The following KIF11 variants were observed in gnomAD, a reference collection of about 807,000 sequenced individuals.
KIF11 encodes the protein kinesin family member 11, also known as kinesin-like protein KIF11.
KIF11 carries 9 observed loss-of-function variants against 121.0 expected under a neutral mutation model. The ratio of observed to expected loss-of-function variants is 0.07; its 90% CI spans 0.04 to 0.13. The LOEUF is 0.13. Ranked by LOEUF, KIF11 falls within the 10% of genes least tolerant of loss-of-function variation. KIF11 has a pLI of 1.00. For synonymous variants in KIF11, 408 were observed against 421.0 expected, an observed-to-expected ratio of 0.97 and a Z score of 0.38; for missense variants, 846 against 1,217.5, an observed-to-expected ratio of 0.69 and a Z score of 4.54.
chr10:92,630,391 CAT>C (rs753144573), intron 12 of KIF11, 27 bp downstream of exon 12: 6 of 1,429,846 alleles, frequency 4.2e-6, no homozygotes, highest in African/African-American at 1.5e-5. Context: ...GATTTGTACT[CAT>C]ATTAAGTAGA....
At chr10:92,610,138 T>G (rs1435678365) in intron 6 of KIF11, among the ~76,000 whole-genome samples, 2 of 152,202 alleles carry the variant, frequency 1.3e-5, no homozygotes, top group Admixed American at 1.3e-4. Context: ...AATGGGACGC[T>G]CTGAGGCTTA....
At chr10:92,605,599 G>A (rs1333806928) in intron 1 of KIF11, among the ~76,000 whole-genome samples, 1 of 147,858 alleles carries the variant, frequency 6.8e-6, no homozygotes. Context: ...CAATTCTCCT[G>A]CCTCAGCCTC....
chr10:92,609,335 TG>T (rs1437701520), intron 5 of KIF11, 49 bp from the exon 6 acceptor site: 6 of 1,560,926 alleles, frequency 3.8e-6, no homozygotes, highest in Admixed American at 3.5e-5. Context: ...TGTGTGTGTG[TG>T]TGTGTGTTTT....
chr10:92,601,646 C>T (rs1844373998), intron 1 of KIF11, among the ~76,000 whole-genome samples: 1 of 152,094 alleles, frequency 6.6e-6, no homozygotes, highest in African/African-American at 2.4e-5. Flanking sequence ...ATCCTCCTGC[C>T]TCAGTTTCCT....
chr10:92,627,573 T>A (rs1173877486), intron 10 of KIF11, among the ~76,000 whole-genome samples: 2 of 152,216 alleles, frequency 1.3e-5, no homozygotes, highest in Non-Finnish European at 2.9e-5. Flanking sequence ...AGTTTTCTTT[T>A]ATGTTTTTCT....
rs139683681 is a variant in KIF11, at chr10:92,649,340, C to T, written c.2771-495C>T. Among the ~76,000 whole-genome samples the T allele has an allele frequency of 6.1e-3, 926 of 152,218 alleles. 13 individuals are homozygous for T. Among genetic ancestry groups the T allele is most frequent in the African/African-American group, 0.021 (862 of 41,528 alleles). The stretch of plus-strand genomic sequence containing the variant: ...TGGGGGCCTGATGCGGTGGCTCACA[C>T]CTATAATCCCAGCACTTCGGGAGGC... On this transcript the variant is annotated intron_variant, in intron 19 of 21. Coordinates refer to ENST00000260731, the MANE Select transcript of KIF11 (RefSeq NM_004523.4).
intron 1 of KIF11, among the ~76,000 whole-genome samples, chr10:92,601,303 C>G (rs977253791): frequency 3.9e-5 from 6 of 152,120 alleles, no homozygotes; most frequent in Non-Finnish European, 8.8e-5. Context: ...TGGGTTCAAA[C>G]GATTCTCCTG....
intron 1 of KIF11, among the ~76,000 whole-genome samples, chr10:92,597,547 G>A (rs1844312523): frequency 6.6e-6 from 1 of 152,124 alleles, no homozygotes; most frequent in African/African-American, 2.4e-5. Context: ...TTATGAGTGT[G>A]AGCCCTCATC....
chr10:92,616,518 T>G (rs1179090210), intron 8 of KIF11, among the ~76,000 whole-genome samples: 1 of 152,126 alleles, frequency 6.6e-6, no homozygotes, highest in Non-Finnish European at 1.5e-5. Flanking sequence ...TAAAGGAAAT[T>G]ATCCTAAGGG....
At chr10:92,628,345 C>G (rs1355438672) in intron 10 of KIF11, among the ~76,000 whole-genome samples, 1 of 152,012 alleles carries the variant, frequency 6.6e-6, no homozygotes, top group Non-Finnish European at 1.5e-5. Context: ...GTTTTTAACC[C>G]CTAATCTTAC....
chr10:92,624,228 C>CTTTTTTTTTTTT (rs201871020), intron 10 of KIF11, among the ~76,000 whole-genome samples: 1 of 99,838 alleles, frequency 1.0e-5, no homozygotes, highest in African/African-American at 3.8e-5. Context: ...TGATCTCATT[C>CTTTTTTTTTTTT]TTTTTTTTTT....
At position 92,654,202 on chromosome 10, in the gene KIF11, G is replaced by T; in HGVS notation, c.*406G>T. On this transcript the variant is annotated 3_prime_UTR_variant, in exon 22 of 22. Coordinates refer to ENST00000260731, the MANE Select transcript of KIF11 (RefSeq NM_004523.4). ...AAACAAAATTTAAAAAAGATATAAG[G>T]CAGTACTGTAAATTCAGTTGAATTT... 6.5e-6 allele frequency: 1 copy of T among 154,140 alleles called. No homozygotes were observed. Among genetic ancestry groups the T allele is most frequent in the South Asian group, 2.0e-4 (1 of 5,018 alleles). The allele number at this position is 154,140 out of a possible 1,614,324, so 9.5% of individuals were successfully genotyped here.
chr10:92,647,565 G>A (rs976422209), intron 18 of KIF11, among the ~76,000 whole-genome samples: 2 of 152,182 alleles, frequency 1.3e-5, no homozygotes, highest in Admixed American at 6.5e-5. Context: ...CATTTGATAG[G>A]AAGGAATCAG....
In KIF11 at chr10:92,645,567, A is replaced by C. The variant is rs868767415; in HGVS notation, c.2472A>C (p.Thr824=). Residue 824 remains threonine, a synonymous_variant, in exon 18 of 22, where the codon ACA becomes ACC. Coordinates refer to ENST00000260731, the MANE Select transcript of KIF11 (RefSeq NM_004523.4). ...AACAGAGATGTGAATCTCTGAACAC[A>C]AGAACAGTTTATTTTTCTGAACAGT... ...ETEQRCESLN[T]RTVYFSEQWV... 21 of 1,613,130 alleles carry C rather than the reference A, an allele frequency of 1.3e-5. No homozygotes were observed. The Middle Eastern group carries it at 6.6e-4, about 51-fold the overall frequency.
intron 9 of KIF11, among the ~76,000 whole-genome samples, chr10:92,618,674 A>G (rs1386667177): frequency 2.6e-5 from 4 of 151,776 alleles, no homozygotes; most frequent in African/African-American, 9.7e-5. Context: ...AAGTAATAAT[A>G]CAGAGAAATC....
Position 92,654,918 on chromosome 10 carries a change from C to G in KIF11, c.*1122C>G, listed in dbSNP as rs756580081. Reference sequence around the variant, plus strand: ...AGAGAAGCTCACAATGATTTAAGGACTGTTTGAAACTTCCAATTATGTCTA... The same window carrying G: ...AGAGAAGCTCACAATGATTTAAGGAGTGTTTGAAACTTCCAATTATGTCTA... On this transcript the variant is annotated 3_prime_UTR_variant, in exon 22 of 22. Coordinates refer to ENST00000260731, the MANE Select transcript of KIF11 (RefSeq NM_004523.4). 4 of 152,550 alleles carry G rather than the reference C, an allele frequency of 2.6e-5. No homozygotes were observed. The highest frequency in any genetic ancestry group is 5.9e-5 in the Non-Finnish European group (4 of 68,036). The allele number at this position is 152,550 out of a possible 1,614,324, so 9.4% of individuals were successfully genotyped here. A position where few individuals can be genotyped will look rare whatever the true frequency, so the allele number is the denominator to read the frequency against.
intron 12 of KIF11, among the ~76,000 whole-genome samples, chr10:92,631,547 G>A (rs916338037): frequency 6.7e-6 from 1 of 149,636 alleles, no homozygotes; most frequent in East Asian, 2.0e-4. Context: ...ATTTTTAGTA[G>A]AGACGGGGTT....
chr10:92,607,916 A>G (rs1025281573), intron 4 of KIF11, among the ~76,000 whole-genome samples: 4 of 151,994 alleles, frequency 2.6e-5, no homozygotes, highest in African/African-American at 9.7e-5. Flanking sequence ...GCACTTTGGG[A>G]GGCTGAGGCG....
Position 92,593,147 on chromosome 10 carries a change from G to A in KIF11, c.-229G>A, listed in dbSNP as rs1018548429. The A allele has an allele frequency of 2.0e-5, 10 of 509,196 alleles. No individual in the cohort carries two copies. In the Admixed American group the frequency reaches 2.9e-4, roughly 15 times the overall value. 31.5% of individuals were successfully genotyped at this position (509,196 alleles called of 1,614,324 possible). A position where few individuals can be genotyped will look rare whatever the true frequency, so the allele number is the denominator to read the frequency against. On this transcript the variant is annotated 5_prime_UTR_variant, in exon 1 of 22. Transcript: ENST00000260731. ...CGTTGCTTAGTTTCTGGGGATTCGG[G>A]CGGAGACGAGATTAGTGATTTGGCG...
Sources: allele counts gnomAD v4.1 joint callset (sites outside exome capture counted in the v4.1 genomes callset), GRCh38; gene constraint gnomAD v4.1.1; transcripts MANE v1.5; gene names NCBI Gene and HGNC (gene_info 2026-07-23, HGNC 2026-07-21).